The following OXSR1 variants were observed in gnomAD, a reference collection of about 807,000 sequenced individuals.
OXSR1 encodes oxidative stress responsive kinase 1.
OXSR1 carries 24 observed loss-of-function variants against 79.8 expected under a neutral mutation model. That is an observed-to-expected ratio of 0.30 (90% CI 0.22 to 0.42). The LOEUF is 0.42. Among genes scored for constraint, OXSR1 ranks in the 10% least tolerant of loss-of-function variants. The pLI, the probability that OXSR1 is intolerant of heterozygous loss-of-function variation, is 1.00. For missense variants in OXSR1, 430 were observed against 618.4 expected (o/e 0.70, Z 3.23); for synonymous variants, 226 against 209.2 (o/e 1.08, Z -0.69).
At chr3:38,221,237 TG>T (rs1168241811) in intron 5 of OXSR1, among the ~76,000 whole-genome samples, 6 of 151,894 alleles carry the variant, frequency 4.0e-5, no homozygotes, top group African/African-American at 1.4e-4. Context: ...TGATGATATG[TG>T]GGGGTGGAGA....
chr3:38,185,493 CA>C (rs1701867858), intron 2 of OXSR1, among the ~76,000 whole-genome samples: 2 of 152,028 alleles, frequency 1.3e-5, no homozygotes, highest in Non-Finnish European at 2.9e-5. Context: ...GGCCAAGGCA[CA>C]AGAATCACTT....
At chr3:38,176,908 G>T (rs371876168) in intron 1 of OXSR1, among the ~76,000 whole-genome samples, 3 of 152,144 alleles carry the variant, frequency 2.0e-5, no homozygotes, top group South Asian at 2.1e-4. Context: ...TTTAACCCCA[G>T]CATGGTTTTG....
At chr3:38,193,277 A>G (rs995437351) in intron 3 of OXSR1, 17 of 1,289,570 alleles carry the variant, frequency 1.3e-5, no homozygotes, top group Non-Finnish European at 1.7e-5. Context: ...TTTCAATCCC[A>G]TTAGTGACAC....
At chr3:38,218,100 T>C (rs754973114) in intron 5 of OXSR1, among the ~76,000 whole-genome samples, 9 of 152,210 alleles carry the variant, frequency 5.9e-5, no homozygotes, top group Admixed American at 4.6e-4. Flanking sequence ...TGTCTGAGTT[T>C]CTTGCTTTCA....
intron 1 of OXSR1, among the ~76,000 whole-genome samples, chr3:38,169,852 C>T (rs897918567): frequency 2.6e-5 from 4 of 151,750 alleles, no homozygotes; most frequent in Non-Finnish European, 4.4e-5. Context: ...ACCCCTGCCT[C>T]CCAGGTAGCT....
rs1012049644 is a variant in OXSR1, at chr3:38,198,919, CTT to C, written c.434+59_434+60del. The C allele has an allele frequency of 4.8e-6, 7 of 1,462,604 alleles. No homozygotes were observed. In the African/African-American group the frequency reaches 7.0e-5, roughly 15 times the overall value. The allele number at this position is 1,462,604 out of a possible 1,614,324, so 90.6% of individuals were successfully genotyped here. A position where few individuals can be genotyped will look rare whatever the true frequency, so the allele number is the denominator to read the frequency against. ...TCATCTCATTAAGGCCATTCCCACTCTTTTACAGAATCGTGATCTCTGACTGT... is the reference window on the plus strand; with the variant it reads ...TCATCTCATTAAGGCCATTCCCACTCTTACAGAATCGTGATCTCTGACTGT... On this transcript the variant is annotated intron_variant, in intron 4 of 17. Coordinates refer to ENST00000311806, the MANE Select transcript of OXSR1 (RefSeq NM_005109.3).
intron 8 of OXSR1, among the ~76,000 whole-genome samples, chr3:38,227,545 CCACACACACACACACACACACACACA>C (rs58097834): frequency 7.2e-6 from 1 of 138,310 alleles, no homozygotes; most frequent in Admixed American, 7.2e-5. Flanking sequence ...GTATGCACAT[CCACACACACACACACACACACACACA>C]CACACACACA....
At chr3:38,252,243 A>G in intron 16 of OXSR1, 85 bp from the exon 17 acceptor site, 1 of 906,528 alleles carries the variant, frequency 1.1e-6, no homozygotes, top group Non-Finnish European at 1.9e-6. Flanking sequence ...CATATTCTTA[A>G]CTACCATTTA....
At chr3:38,212,030 GGAAGCTTT>G (rs1251670136) in intron 4 of OXSR1, among the ~76,000 whole-genome samples, 1 of 152,146 alleles carries the variant, frequency 6.6e-6, no homozygotes, top group Non-Finnish European at 1.5e-5. Context: ...TTGGAATATG[GGAAGCTTT>G]AAGAAGTTTT....
intron 4 of OXSR1, among the ~76,000 whole-genome samples, chr3:38,205,170 G>A (rs1702243438): frequency 6.6e-6 from 1 of 152,208 alleles, no homozygotes; most frequent in Admixed American, 6.5e-5. Flanking sequence ...GGAAGGGGTG[G>A]CATTGACAAT....
Position 38,236,847 on chromosome 3 carries a change from A to G in OXSR1, c.960A>G (p.Arg320=). The change falls in exon 11 of 18, where the codon AGA becomes AGG. Residue 320 remains arginine, a synonymous_variant. Transcript: ENST00000311806. ...TISERAKKVR[R]VPGSSGRLHK... ...CTCTTTCTAATGAGCAGGTTCGGAGAGTACCAGGTTCCAGTGGGCGTCTTC... is the reference window on the plus strand; with the variant it reads ...CTCTTTCTAATGAGCAGGTTCGGAGGGTACCAGGTTCCAGTGGGCGTCTTC... The G allele has an allele frequency of 6.2e-7, 1 of 1,609,958 alleles. No homozygotes were observed.
At chr3:38,232,716 T>G (rs189933126) in intron 10 of OXSR1, among the ~76,000 whole-genome samples, 43 of 152,204 alleles carry the variant, frequency 2.8e-4, no homozygotes, top group Non-Finnish European at 5.3e-4. Context: ...GCCAAGATCA[T>G]GCCACTGCAC....
chr3:38,218,627 T>G (rs1017345214), intron 5 of OXSR1, among the ~76,000 whole-genome samples: 4 of 152,202 alleles, frequency 2.6e-5, no homozygotes, highest in African/African-American at 9.6e-5. Flanking sequence ...GTCTGTGGGT[T>G]GCCTTTCACT....
chr3:38,229,445 CTAA>C (rs1214880138), intron 8 of OXSR1, among the ~76,000 whole-genome samples: 3 of 151,892 alleles, frequency 2.0e-5, no homozygotes, highest in Non-Finnish European at 4.4e-5. Context: ...AAACATTTCA[CTAA>C]TGATTTTTTC....
rs183838469 is a variant in OXSR1, at chr3:38,253,245, C to T, written c.*354C>T. On this transcript the variant is annotated 3_prime_UTR_variant, in exon 18 of 18. Transcript: ENST00000311806. Reference sequence around the variant, plus strand: ...CCAGGTGGAAAAGTAGCAGCTGTATCGGGCTTCCTCATCCTGCCTGTTCCC... The same window carrying T: ...CCAGGTGGAAAAGTAGCAGCTGTATTGGGCTTCCTCATCCTGCCTGTTCCC... 89 of 239,218 alleles carry T rather than the reference C, an allele frequency of 3.7e-4. No individual in the cohort carries two copies. The highest frequency in any genetic ancestry group is 7.7e-4 in the East Asian group (8 of 10,374). The allele number at this position is 239,218 out of a possible 1,614,324, so 14.8% of individuals were successfully genotyped here.
intron 4 of OXSR1, among the ~76,000 whole-genome samples, chr3:38,209,153 G>A (rs1702334073): frequency 6.6e-6 from 1 of 151,916 alleles, no homozygotes; most frequent in Non-Finnish European, 1.5e-5. Flanking sequence ...ATTTGCTCAA[G>A]GATTAGGGTT....
At chr3:38,167,631 A>AAAAAC (rs1269412774) in intron 1 of OXSR1, among the ~76,000 whole-genome samples, 1 of 152,376 alleles carries the variant, frequency 6.6e-6, no homozygotes, top group South Asian at 2.1e-4. Flanking sequence ...TAGGAAAAAC[A>AAAAAC]AAAACAAAAC....
chr3:38,182,253 T>C (rs1701800698), intron 1 of OXSR1, among the ~76,000 whole-genome samples: 1 of 152,216 alleles, frequency 6.6e-6, no homozygotes, highest in African/African-American at 2.4e-5. Context: ...GCTTTGCTGC[T>C]GCTAAGGGCA....
intron 4 of OXSR1, among the ~76,000 whole-genome samples, chr3:38,208,995 C>T (rs577402171): frequency 3.2e-4 from 48 of 151,088 alleles, no homozygotes; most frequent in South Asian, 1.7e-3. Context: ...TGCGCGCGCG[C>T]GTGCGCGCAT....
Sources: gnomAD v4.1 joint callset for allele counts (sites outside exome capture counted in the v4.1 genomes callset) on GRCh38, gnomAD v4.1.1 for gene constraint, MANE v1.5 for transcripts, NCBI Gene and HGNC (gene_info 2026-07-23, HGNC 2026-07-21) for gene names.